Variants in PCDHA8 observed in about 807,000 individuals in gnomAD.
PCDHA8 encodes protocadherin alpha 8.
Under a neutral mutation model 61.8 loss-of-function variants are expected in PCDHA8, and 53 were observed. That is an observed-to-expected ratio of 0.86 (90% confidence interval 0.69 to 1.08). The LOEUF (loss-of-function observed/expected upper bound fraction) is 1.08, where lower values mean the gene tolerates loss of function less well. Among genes scored for constraint, PCDHA8 ranks in the 50% least tolerant of loss-of-function variants. The pLI is 0.00. For synonymous variants in PCDHA8, 618 were observed against 556.6 expected (o/e 1.11, Z -1.55); for missense variants, 1,293 against 1,245.0 (o/e 1.04, Z -0.58).
chr5:140,867,957 CA>C (rs1271215913), intron 1 of PCDHA8: 1 of 152,006 alleles, frequency 6.6e-6, no homozygotes, highest in Non-Finnish European at 1.5e-5. Flanking sequence ...CTCCCAAACC[CA>C]AAATTCTTTC....
At chr5:140,966,998 C>A in intron 1 of PCDHA8, 1 of 1,604,774 alleles carries the variant, frequency 6.2e-7, no homozygotes, top group Non-Finnish European at 8.5e-7. Flanking sequence ...GGGTTGCTTG[C>A]GCATCAACCA....
intron 1 of PCDHA8, chr5:140,867,045 T>C (rs1232896642): frequency 6.6e-6 from 1 of 152,200 alleles, no homozygotes; most frequent in Non-Finnish European, 1.5e-5. Flanking sequence ...ACTTGGCGTT[T>C]GTTCAGTACT....
Position 140,843,659 on chromosome 5 carries a change from C to A in PCDHA8, c.2338C>A (p.Leu780Met). The A allele has an allele frequency of 6.3e-7, 1 of 1,594,466 alleles. No individual in the cohort carries two copies. The highest frequency in any genetic ancestry group is 8.6e-7 in the Non-Finnish European group (1 of 1,164,080). The change falls in exon 1 of 4, where the codon CTG becomes ATG. Residue 780 changes from leucine to methionine, a missense_variant. Leu to Met is a conservative substitution (Grantham distance 15). Transcript: ENST00000531613. ...CTTCAGCCCCTGCCTTCCTCCTGAT[C>A]TGGGATCAGTTGATGTAGGCGAAGA... ...MAFSPCLPPD[L>M]GSVDVGEEQD...
At chr5:140,938,699 A>G (rs1418739484) in intron 1 of PCDHA8, among the ~76,000 whole-genome samples, 4 of 152,128 alleles carry the variant, frequency 2.6e-5, no homozygotes, top group African/African-American at 4.8e-5. Context: ...TTTTAAATAT[A>G]TGTTTATGAT....
At position 140,843,282 on chromosome 5, in the gene PCDHA8, A is replaced by T. The variant is rs2150356425; in HGVS notation, c.1961A>T (p.His654Leu). 6.3e-6 allele frequency: 10 copies of T among 1,595,910 alleles called. No homozygotes were observed. The highest frequency in any genetic ancestry group is 7.7e-6 in the Non-Finnish European group (9 of 1,165,584). The change falls in exon 1 of 4, where the codon CAT becomes CTT. Residue 654 changes from histidine to leucine, a missense_variant. By Grantham distance (99) the His-to-Leu change is moderately conservative. Transcript: ENST00000531613. ...CGTCTGCTGGTCCTGGTGAAGGATC[A>T]TGGTGAACCTGCGCTGACCGCCACG... Reference protein sequence around the residue: ...RHRLLVLVKDHGEPALTATAT... With the variant: ...RHRLLVLVKDLGEPALTATAT...
In PCDHA8 at chr5:140,855,851, G is replaced by A. The variant is rs971470534; in HGVS notation, c.2394+12136G>A. On this transcript the variant is annotated intron_variant, in intron 1 of 3. Transcript: ENST00000531613. Reference sequence around the variant, plus strand: ...AATCGTACTTACACCTAAAGCCACCGGATGTCGCTGTCGTCCACAAAATAG... The same window carrying A: ...AATCGTACTTACACCTAAAGCCACCAGATGTCGCTGTCGTCCACAAAATAG... 16 of 668,440 alleles carry A rather than the reference G, an allele frequency of 2.4e-5. No homozygotes were observed. The East Asian group carries it at 3.9e-4, about 16-fold the overall frequency. The allele number at this position is 668,440 out of a possible 1,614,324, so 41.4% of individuals were successfully genotyped here.
intron 1 of PCDHA8, among the ~76,000 whole-genome samples, chr5:140,905,871 G>C (rs889363141): frequency 6.6e-6 from 1 of 152,078 alleles, no homozygotes; most frequent in African/African-American, 2.4e-5. Context: ...ACAATCACAA[G>C]GCCCAACAAT....
At chr5:140,952,972 A>G (rs1206326487) in intron 1 of PCDHA8, among the ~76,000 whole-genome samples, 1 of 152,074 alleles carries the variant, frequency 6.6e-6, no homozygotes, top group Non-Finnish European at 1.5e-5. Context: ...CACACTTTTA[A>G]ACAACAAGAT....
At chr5:141,000,854 G>A (rs2097968530) in intron 3 of PCDHA8, among the ~76,000 whole-genome samples, 1 of 152,010 alleles carries the variant, frequency 6.6e-6, no homozygotes, top group Non-Finnish European at 1.5e-5. Flanking sequence ...CTGGCAGTCA[G>A]CCATGACCTC....
intron 1 of PCDHA8, chr5:140,870,871 G>T (rs1257856778): frequency 1.2e-6 from 2 of 1,613,826 alleles, no homozygotes; most frequent in African/African-American, 2.7e-5. Context: ...GGGCCACGTG[G>T]TGGCGAAGGT....
At position 140,857,221 on chromosome 5, in the gene PCDHA8, C is replaced by G. The variant is rs146953582; in HGVS notation, c.2394+13506C>G. On this transcript the variant is annotated intron_variant, in intron 1 of 3. Transcript: ENST00000531613. ...AGGTCACCTGCTCTCTGACGCCTCA[C>G]GTTCCGTTCAAGCTGGTGTCCACCT... is the stretch of plus-strand genomic sequence containing the variant. 4.4e-4 allele frequency: 711 copies of G among 1,598,474 alleles called. 36 individuals carry two copies. In the African/African-American group the frequency reaches 9.1e-3, roughly 20 times the overall value.
chr5:140,987,882 T>G (rs942974119), intron 3 of PCDHA8, among the ~76,000 whole-genome samples: 2 of 152,158 alleles, frequency 1.3e-5, no homozygotes, highest in Non-Finnish European at 2.9e-5. Flanking sequence ...ATGGACAGTT[T>G]ATGTGCCCTA....
chr5:140,850,211 CACTGACGGCGCAGTG>C (rs2041429511), intron 1 of PCDHA8: 1 of 1,593,540 alleles, frequency 6.3e-7, no homozygotes, highest in Non-Finnish European at 8.6e-7. Context: ...GGATGAGGGG[CACTGACGGCGCAGTG>C]AGCGAGATGG....
At chr5:140,871,376 G>A in intron 1 of PCDHA8, 2 of 1,614,196 alleles carry the variant, frequency 1.2e-6, no homozygotes, top group Non-Finnish European at 1.7e-6. Flanking sequence ...CAGAGGGTGT[G>A]CTCTGAGGAG....
chr5:140,968,670 T>C lies in PCDHA8; in HGVS notation c.2395-10279T>C, dbSNP rs782754896. 23 of 1,614,180 alleles carry C rather than the reference T, an allele frequency of 1.4e-5. No homozygotes were observed. Among genetic ancestry groups the C allele is most frequent in the Non-Finnish European group, 1.8e-5 (21 of 1,180,034 alleles). On this transcript the variant is annotated intron_variant, in intron 1 of 3. Coordinates refer to ENST00000531613, the MANE Select transcript of PCDHA8 (RefSeq NM_018911.3). ...ACTTCTGACCTGGACCTCTTTAAGG[T>C]AGAGCTGCACACAGGAGAAATTAGG...
intron 3 of PCDHA8, among the ~76,000 whole-genome samples, chr5:140,988,142 A>G (rs1017336547): frequency 5.3e-5 from 8 of 152,056 alleles, no homozygotes; most frequent in African/African-American, 1.4e-4. Context: ...AACCTGTTCA[A>G]CCTCAACTTC....
At chr5:140,925,671 A>AATAATAATAATAATG (rs1445697337) in intron 1 of PCDHA8, among the ~76,000 whole-genome samples, 106 of 148,180 alleles carry the variant, frequency 7.2e-4, no homozygotes, top group African/African-American at 2.6e-3. Context: ...TAATAATAAT[A>AATAATAATAATAATG]ATAATAAAGC....
intron 1 of PCDHA8, chr5:140,869,435 A>G (rs1554163053): frequency 6.2e-7 from 1 of 1,614,208 alleles, no homozygotes; most frequent in Admixed American, 1.7e-5. Context: ...GTGATCGTGG[A>G]CAGGCCGCTG....
At chr5:140,871,627 G>A (rs1448842330) in intron 1 of PCDHA8, 32 of 1,398,812 alleles carry the variant, frequency 2.3e-5, no homozygotes, top group African/African-American at 4.4e-5. Flanking sequence ...AGATAACAAT[G>A]TCTGTTCATA....
Sources: gnomAD v4.1 joint callset for allele counts (sites outside exome capture counted in the v4.1 genomes callset) on GRCh38, gnomAD v4.1.1 for gene constraint, MANE v1.5 for transcripts, NCBI Gene and HGNC (gene_info 2026-07-23, HGNC 2026-07-21) for gene names.